The following FOXJ3 variants were observed in gnomAD, a reference collection of about 807,000 sequenced individuals.
FOXJ3 encodes the protein forkhead box protein J3.
In FOXJ3, 22 loss-of-function variants were observed where a neutral mutation model predicts 76.1. That is an observed-to-expected ratio of 0.29 (90% CI 0.21 to 0.41). The LOEUF (loss-of-function observed/expected upper bound fraction) is 0.41. FOXJ3 is among the 10% of genes least tolerant of loss of function. FOXJ3 has a pLI of 1.00. For synonymous variants in FOXJ3, 269 were observed against 261.2 expected, an observed-to-expected ratio of 1.03 and a Z score of -0.29; for missense variants, 613 against 762.1, an observed-to-expected ratio of 0.80 and a Z score of 2.30.
chr1:42,227,265 G>A (rs916363608), intron 5 of FOXJ3, among the ~76,000 whole-genome samples: 3 of 152,220 alleles, frequency 2.0e-5, no homozygotes, highest in Non-Finnish European at 4.4e-5. Flanking sequence ...TTTTAGTTGA[G>A]ATGCTGGAAA....
intron 2 of FOXJ3, among the ~76,000 whole-genome samples, chr1:42,303,796 T>C (rs1464001003): frequency 6.6e-6 from 1 of 152,120 alleles, no homozygotes; most frequent in African/African-American, 2.4e-5. Flanking sequence ...GTGAGAACCA[T>C]AAAATAAACC....
intron 4 of FOXJ3, among the ~76,000 whole-genome samples, chr1:42,236,673 A>C (rs608277): frequency 0.73 from 111,495 of 152,150 alleles, 41,042 homozygotes; most frequent in Admixed American, 0.81. Flanking sequence ...CCCTTTCCTT[A>C]GCCTTCTCTC....
intron 2 of FOXJ3, among the ~76,000 whole-genome samples, chr1:42,289,844 T>C (rs1320969267): frequency 3.3e-5 from 5 of 152,178 alleles, no homozygotes; most frequent in African/African-American, 9.6e-5. Flanking sequence ...TTTCTTGTTA[T>C]AATTTCAAGT....
At chr1:42,278,283 A>C in intron 3 of FOXJ3, 65 bp downstream of exon 3, 1 of 1,167,026 alleles carries the variant, frequency 8.6e-7, no homozygotes, top group Non-Finnish European at 1.2e-6. Flanking sequence ...ACAAAGCTTT[A>C]TTTTCAGTAG....
intron 5 of FOXJ3, among the ~76,000 whole-genome samples, chr1:42,209,834 G>A (rs1018443755): frequency 2.0e-5 from 3 of 152,200 alleles, no homozygotes; most frequent in African/African-American, 7.2e-5. Flanking sequence ...AATGAGACTT[G>A]TGATATAATC....
chr1:42,193,483 T>C (rs1056547958), intron 8 of FOXJ3, among the ~76,000 whole-genome samples: 16 of 152,090 alleles, frequency 1.1e-4, no homozygotes, highest in Non-Finnish European at 2.1e-4. Context: ...AGCCCTTATT[T>C]TTCTATTGTG....
Position 42,286,815 on chromosome 1 carries a change from G to A in FOXJ3, c.45-8143C>T, listed in dbSNP as rs117673318. Among the ~76,000 whole-genome samples, 156 of 151,662 alleles carry A rather than the reference G, an allele frequency of 1.0e-3. 1 individual carries two copies. In the East Asian group the frequency reaches 0.03, roughly 29 times the overall value. ...CGCCCGGTTAAATTTTCTATTTCTA[G>A]TAGAGACGGGGTTTCACCATGTTGA... On this transcript the variant is annotated intron_variant, in intron 2 of 12. Transcript: ENST00000361346.
At chr1:42,243,463 C>G (rs1474841311) in intron 4 of FOXJ3, among the ~76,000 whole-genome samples, 1 of 152,074 alleles carries the variant, frequency 6.6e-6, no homozygotes, top group Non-Finnish European at 1.5e-5. Flanking sequence ...TTAAAAGGTA[C>G]AGACTACCTG....
At chr1:42,203,071 T>C (rs934297774) in intron 6 of FOXJ3, among the ~76,000 whole-genome samples, 1 of 152,342 alleles carries the variant, frequency 6.6e-6, no homozygotes, top group African/African-American at 2.4e-5. Context: ...CTGCACGTTT[T>C]CTACAGACCT....
chr1:42,261,651 T>C lies in FOXJ3; in HGVS notation c.444+3464A>G, dbSNP rs185845082. Among the ~76,000 whole-genome samples the C allele has an allele frequency of 8.5e-3, 1,291 of 152,352 alleles. 7 individuals carry two copies. Among genetic ancestry groups the C allele is most frequent in the Middle Eastern group, 0.017 (5 of 294 alleles). ...TCTGGTAATACAATGAACAGAAAGC[T>C]GTATCGTGAAAATACAGAGAAGATG... On this transcript the variant is annotated intron_variant, in intron 4 of 12. Coordinates refer to ENST00000361346, the MANE Select transcript of FOXJ3 (RefSeq NM_014947.5).
rs555317739 is a variant in FOXJ3 at position 42,307,336 on chromosome 1, G to A, written c.44+3714C>T. On this transcript the variant is annotated intron_variant, in intron 2 of 12. Transcript: ENST00000361346. ...CAGATACCATCATCAATCATGCAGCGGCTTCTCAGAGGTCTAAGTGTCATT... is the reference window on the plus strand; with the variant it reads ...CAGATACCATCATCAATCATGCAGCAGCTTCTCAGAGGTCTAAGTGTCATT... Among the ~76,000 whole-genome samples the A allele has an allele frequency of 1.5e-3, 230 of 152,234 alleles. 1 individual carries two copies. Among genetic ancestry groups the A allele is most frequent in the African/African-American group, 4.7e-3 (196 of 41,556 alleles).
intron 5 of FOXJ3, among the ~76,000 whole-genome samples, chr1:42,216,485 T>G (rs918254537): frequency 6.7e-6 from 1 of 150,124 alleles, no homozygotes; most frequent in Non-Finnish European, 1.5e-5. Context: ...GCCACTGCAC[T>G]CCAGCCTGGG....
intron 4 of FOXJ3, among the ~76,000 whole-genome samples, chr1:42,243,983 C>T (rs1570021405): frequency 6.6e-6 from 1 of 152,138 alleles, no homozygotes; most frequent in Admixed American, 6.5e-5. Context: ...TCTCAGACAA[C>T]ATGGACTAAA....
chr1:42,284,508 G>A (rs1456119479), intron 2 of FOXJ3, among the ~76,000 whole-genome samples: 1 of 152,224 alleles, frequency 6.6e-6, no homozygotes, highest in East Asian at 1.9e-4. Context: ...GCCTACCCTT[G>A]TCCTGCAATT....
At chr1:42,300,531 G>A (rs144230524) in intron 2 of FOXJ3, among the ~76,000 whole-genome samples, 10 of 152,248 alleles carry the variant, frequency 6.6e-5, no homozygotes, top group African/African-American at 2.4e-4. Flanking sequence ...ATCCCAGTAT[G>A]TTGAGAGGCC....
At chr1:42,192,378 TG>T (rs1256030211) in intron 8 of FOXJ3, among the ~76,000 whole-genome samples, 1 of 152,182 alleles carries the variant, frequency 6.6e-6, no homozygotes, top group Non-Finnish European at 1.5e-5. Flanking sequence ...CCTGTGAGCA[TG>T]TTTAACAGCT....
chr1:42,281,424 G>T (rs115861642), intron 2 of FOXJ3, among the ~76,000 whole-genome samples: 1 of 152,030 alleles, frequency 6.6e-6, no homozygotes, highest in Non-Finnish European at 1.5e-5. Flanking sequence ...CTTAGCTGAA[G>T]AACTTCAGCT....
In FOXJ3 at chr1:42,177,684, T is replaced by C. The variant is rs1232901266; in HGVS notation, c.*2026A>G. 2 of 152,496 alleles carry C rather than the reference T, an allele frequency of 1.3e-5. No homozygotes were observed. Among genetic ancestry groups the C allele is most frequent in the African/African-American group, 4.8e-5 (2 of 41,402 alleles). The allele number at this position is 152,496 out of a possible 1,614,324, so 9.4% of individuals were successfully genotyped here. ...CAACAGAGAAACATAAAGCTCTTCC[T>C]TTCTCCCCAACCTCACCAGCCCTTA... On this transcript the variant is annotated 3_prime_UTR_variant, in exon 13 of 13. Transcript: ENST00000361346.
At chr1:42,225,224 T>C (rs1647456438) in intron 5 of FOXJ3, among the ~76,000 whole-genome samples, 1 of 152,206 alleles carries the variant, frequency 6.6e-6, no homozygotes, top group Non-Finnish European at 1.5e-5. Context: ...ATTTCAGAAA[T>C]TTAATACGGA....
Sources: gnomAD v4.1 joint callset for allele counts (sites outside exome capture counted in the v4.1 genomes callset) on GRCh38, gnomAD v4.1.1 for gene constraint, MANE v1.5 for transcripts, NCBI Gene and HGNC (gene_info 2026-07-23, HGNC 2026-07-21) for gene names.